SNTB1: variants seen among roughly 807,000 people sequenced by gnomAD.
SNTB1 encodes the protein syntrophin beta 1.
SNTB1 carries 36 observed loss-of-function variants against 48.9 expected under a neutral mutation model. That is an observed-to-expected ratio of 0.74 (90% CI 0.56 to 0.97). The LOEUF is 0.97. Among genes scored for constraint, SNTB1 ranks in the 50% least tolerant of loss-of-function variants. The pLI, the probability that SNTB1 is intolerant of heterozygous loss-of-function variation, is 0.00. For missense variants in SNTB1, 786 were observed against 703.4 expected, an observed-to-expected ratio of 1.12 and a Z score of -1.33; for synonymous variants, 299 against 294.6, an observed-to-expected ratio of 1.01 and a Z score of -0.15.
intron 4 of SNTB1, among the ~76,000 whole-genome samples, chr8:120,567,794 T>A (rs1586999133): frequency 2.1e-5 from 3 of 142,604 alleles, no homozygotes; most frequent in East Asian, 2.5e-4. Flanking sequence ...ATAAATTTTT[T>A]AAAAACATAG....
chr8:120,690,148 T>C (rs1231065490), intron 2 of SNTB1, among the ~76,000 whole-genome samples: 1 of 152,230 alleles, frequency 6.6e-6, no homozygotes, highest in East Asian at 1.9e-4. Context: ...TATATTGTTA[T>C]AATTGTTCCA....
chr8:120,701,113 A>G (rs774571143), intron 1 of SNTB1, among the ~76,000 whole-genome samples: 2 of 152,202 alleles, frequency 1.3e-5, no homozygotes, highest in East Asian at 1.9e-4. Flanking sequence ...AATGCAATAT[A>G]AGATTTACCC....
intron 2 of SNTB1, among the ~76,000 whole-genome samples, chr8:120,653,138 T>G (rs969172085): frequency 1.3e-5 from 2 of 152,156 alleles, no homozygotes; most frequent in African/African-American, 4.8e-5. Flanking sequence ...CCTCCAAAAT[T>G]CATGTTCCTG....
At chr8:120,747,930 T>C (rs1420246670) in intron 1 of SNTB1, among the ~76,000 whole-genome samples, 2 of 152,228 alleles carry the variant, frequency 1.3e-5, no homozygotes, top group Non-Finnish European at 2.9e-5. Flanking sequence ...TGGTTGTCTC[T>C]GGGTAGATAT....
chr8:120,696,554 C>G (rs1818213688), intron 1 of SNTB1, among the ~76,000 whole-genome samples: 1 of 152,102 alleles, frequency 6.6e-6, no homozygotes, highest in Non-Finnish European at 1.5e-5. Flanking sequence ...AAACTAAGGT[C>G]TAGAGAAGGT....
chr8:120,809,642 A>T lies in SNTB1; in HGVS notation c.571+1631T>A, dbSNP rs1820394019. ...AACCCCTCCTCCAGTATTTACAGTAAGTATTGCAAACCGAGCAGGTGCCCA... is the reference window on the plus strand; with the variant it reads ...AACCCCTCCTCCAGTATTTACAGTATGTATTGCAAACCGAGCAGGTGCCCA... On this transcript the variant is annotated intron_variant, in intron 1 of 6. Coordinates refer to ENST00000517992, the MANE Select transcript of SNTB1 (RefSeq NM_021021.4). 2.0e-5 allele frequency among the ~76,000 whole-genome samples: 3 copies of T among 152,254 alleles called. No individual in the cohort carries two copies. The South Asian group carries it at 6.2e-4, about 32-fold the overall frequency.
intron 2 of SNTB1, among the ~76,000 whole-genome samples, chr8:120,646,422 C>G (rs200440517): frequency 6.7e-6 from 1 of 149,764 alleles, no homozygotes; most frequent in Admixed American, 6.7e-5. Flanking sequence ...ATTGAGATAA[C>G]CATGTGGTTT....
intron 5 of SNTB1, among the ~76,000 whole-genome samples, chr8:120,546,812 TTATC>T (rs1347242255): frequency 6.6e-6 from 1 of 152,232 alleles, no homozygotes; most frequent in East Asian, 1.9e-4. Flanking sequence ...AAATTTTAAA[TTATC>T]TATCTATATA....
intron 3 of SNTB1, among the ~76,000 whole-genome samples, chr8:120,594,895 G>T (rs571301553): frequency 6.6e-6 from 1 of 151,952 alleles, no homozygotes; most frequent in South Asian, 2.1e-4. Flanking sequence ...CTGGATGGTG[G>T]TGATGGTTGC....
chr8:120,764,061 T>G (rs565066525), intron 1 of SNTB1, among the ~76,000 whole-genome samples: 4 of 152,348 alleles, frequency 2.6e-5, no homozygotes, highest in African/African-American at 9.6e-5. Context: ...GCCTTTTGAC[T>G]CAGAATAAAT....
chr8:120,733,142 T>C (rs1480494108), intron 1 of SNTB1, among the ~76,000 whole-genome samples: 3 of 152,184 alleles, frequency 2.0e-5, no homozygotes, highest in Non-Finnish European at 2.9e-5. Flanking sequence ...GGTAGACAAA[T>C]AGCCTTTCTA....
At chr8:120,648,558 C>T (rs1466892773) in intron 2 of SNTB1, among the ~76,000 whole-genome samples, 3 of 152,074 alleles carry the variant, frequency 2.0e-5, no homozygotes, top group Non-Finnish European at 2.9e-5. Context: ...ATGGGCTTCC[C>T]TTTGAGGGTA....
At chr8:120,710,079 C>G (rs545625225) in intron 1 of SNTB1, among the ~76,000 whole-genome samples, 3 of 152,168 alleles carry the variant, frequency 2.0e-5, no homozygotes, top group East Asian at 1.9e-4. Context: ...CACTATCCCC[C>G]CTCCGTTTCC....
At chr8:120,589,108 T>C (rs1394660471) in intron 3 of SNTB1, among the ~76,000 whole-genome samples, 1 of 152,150 alleles carries the variant, frequency 6.6e-6, no homozygotes, top group South Asian at 2.1e-4. Flanking sequence ...GAATTGAGAC[T>C]ACACATCTGT....
intron 1 of SNTB1, among the ~76,000 whole-genome samples, chr8:120,807,319 A>G (rs757197475): frequency 1.3e-5 from 2 of 152,222 alleles, no homozygotes; most frequent in Non-Finnish European, 2.9e-5. Context: ...GCTGCCAAGG[A>G]CGTTTGTGCA....
At chr8:120,744,955 A>C (rs1819101450) in intron 1 of SNTB1, among the ~76,000 whole-genome samples, 1 of 152,160 alleles carries the variant, frequency 6.6e-6, no homozygotes, top group Admixed American at 6.6e-5. Context: ...TCTCCATGAC[A>C]ACTTCTTGCC....
intron 2 of SNTB1, among the ~76,000 whole-genome samples, chr8:120,658,858 G>C (rs1371314624): frequency 6.6e-6 from 1 of 152,066 alleles, no homozygotes; most frequent in Non-Finnish European, 1.5e-5. Flanking sequence ...TGCAGCATGT[G>C]ATGCTATTTG....
intron 4 of SNTB1, 149 bp from the exon 5 acceptor site, chr8:120,549,107 C>T: frequency 1.6e-6 from 1 of 609,366 alleles, no homozygotes; most frequent in South Asian, 2.5e-5. Flanking sequence ...CTTCTGCCAT[C>T]TCCTCTCCAA....
chr8:120,774,009 G>A (rs564502045), intron 1 of SNTB1, among the ~76,000 whole-genome samples: 1 of 152,292 alleles, frequency 6.6e-6, no homozygotes, highest in African/African-American at 2.4e-5. Context: ...TGTGAAGCTG[G>A]CACTGTGTCT....
Sources: allele counts gnomAD v4.1 joint callset (sites outside exome capture counted in the v4.1 genomes callset), GRCh38; gene constraint gnomAD v4.1.1; transcripts MANE v1.5; gene names NCBI Gene and HGNC (gene_info 2026-07-23, HGNC 2026-07-21).